Variants in ABCC5 observed in about 807,000 individuals in gnomAD.
ABCC5 encodes the protein ATP binding cassette subfamily C member 5.
A neutral mutation model predicts 160.9 loss-of-function variants in ABCC5; 61 were observed. That is an observed-to-expected ratio of 0.38 (90% CI 0.31 to 0.47). ABCC5 has a LOEUF of 0.47. Among genes scored for constraint, ABCC5 ranks in the 20% least tolerant of loss-of-function variants. The pLI is 0.99. For synonymous variants in ABCC5, 666 were observed against 700.6 expected (o/e 0.95, Z 0.78); for missense variants, 1,308 against 1,813.3 (o/e 0.72, Z 5.06).
At chr3:183,961,487 C>A in intron 16 of ABCC5, 24 bp downstream of exon 16, 1 of 1,612,152 alleles carries the variant, frequency 6.2e-7, no homozygotes, top group South Asian at 1.1e-5. Context: ...GAAGGGGACA[C>A]ACGCAAACAC....
intron 13 of ABCC5, 37 bp from the exon 14 acceptor site, chr3:183,965,294 G>A (rs1297490025): frequency 1.4e-5 from 22 of 1,613,952 alleles, no homozygotes; most frequent in South Asian, 3.3e-5. Context: ...GGGACACGGC[G>A]GGAGCAGAGC....
intron 14 of ABCC5, among the ~76,000 whole-genome samples, chr3:183,964,316 C>G (rs965218265): frequency 7.9e-5 from 12 of 152,236 alleles, no homozygotes; most frequent in Non-Finnish European, 1.2e-4. Flanking sequence ...TAGTGCCAAA[C>G]AGTGTCTGCA....
At chr3:183,977,447 T>C (rs1718316676) in intron 10 of ABCC5, 70 bp downstream of exon 10, 2 of 1,246,828 alleles carry the variant, frequency 1.6e-6, no homozygotes, top group South Asian at 2.6e-5. Flanking sequence ...GGGTGGCCCC[T>C]TGAACAGAGC....
chr3:184,005,023 T>C (rs1281996184), intron 2 of ABCC5, among the ~76,000 whole-genome samples: 1 of 152,188 alleles, frequency 6.6e-6, no homozygotes, highest in Middle Eastern at 3.2e-3. Flanking sequence ...GGTGGTTCCA[T>C]GCTCTTTTCA....
intron 2 of ABCC5, among the ~76,000 whole-genome samples, chr3:183,994,853 ATGTT>A (rs1560044487): frequency 3.3e-5 from 4 of 122,844 alleles, no homozygotes; most frequent in Non-Finnish European, 3.5e-5. Flanking sequence ...CCCATTTTCT[ATGTT>A]TTTTTTTTTT....
chr3:183,952,313 A>G (rs1715448394), intron 18 of ABCC5, among the ~76,000 whole-genome samples: 1 of 151,918 alleles, frequency 6.6e-6, no homozygotes, highest in African/African-American at 2.4e-5. Flanking sequence ...TGCCCAGCTA[A>G]TTTTTGTATT....
At chr3:183,942,380 C>A in intron 25 of ABCC5, 3 of 479,678 alleles carry the variant, frequency 6.3e-6, no homozygotes, top group South Asian at 4.6e-5. Context: ...GTGTCAATGA[C>A]CTCATTTTTG....
chr3:183,999,133 T>A (rs1387091734), intron 2 of ABCC5, among the ~76,000 whole-genome samples: 1 of 150,964 alleles, frequency 6.6e-6, no homozygotes, highest in Non-Finnish European at 1.5e-5. Context: ...AATAACAGCA[T>A]CTTTATACTA....
intron 17 of ABCC5, among the ~76,000 whole-genome samples, chr3:183,953,995 A>G (rs1156353504): frequency 6.6e-6 from 1 of 152,242 alleles, no homozygotes; most frequent in Non-Finnish European, 1.5e-5. Flanking sequence ...TGATATTGCC[A>G]CACCAGCTGC....
At chr3:183,966,882 C>T (rs1717267211) in intron 12 of ABCC5, among the ~76,000 whole-genome samples, 1 of 152,192 alleles carries the variant, frequency 6.6e-6, no homozygotes, top group Admixed American at 6.5e-5. Flanking sequence ...CCCCTGCTCC[C>T]CCTCTGTTTC....
At position 183,981,832 on chromosome 3, in the gene ABCC5, C is replaced by G. The variant is rs761217800; in HGVS notation, c.1042G>C (p.Val348Leu). ...TGGACACGTTCATCCGTGGCGGCCACGCATTTTCTCCTGAAATATGCTGTG... is the reference window on the plus strand; with the variant it reads ...TGGACACGTTCATCCGTGGCGGCCAGGCATTTTCTCCTGAAATATGCTGTG... ...RLTAYFRRKC[V>L]AATDERVQKM... The change falls in exon 8 of 30, where the codon GTG becomes CTG. Residue 348 changes from valine (V) to leucine (L), a missense_variant. Val to Leu is a conservative substitution (Grantham distance 32). Transcript: ENST00000334444. 5.0e-6 allele frequency: 8 copies of G among 1,610,762 alleles called. No homozygotes were observed. Among genetic ancestry groups the G allele is most frequent in the Non-Finnish European group, 6.8e-6 (8 of 1,179,120 alleles).
chr3:183,926,634 A>C (rs1358030618), intron 28 of ABCC5, among the ~76,000 whole-genome samples: 1 of 152,138 alleles, frequency 6.6e-6, no homozygotes, highest in African/African-American at 2.4e-5. Flanking sequence ...ATGTACAATT[A>C]ATTCTTTTTT....
At chr3:183,962,613 C>T (rs1437527553) in intron 15 of ABCC5, among the ~76,000 whole-genome samples, 1 of 150,964 alleles carries the variant, frequency 6.6e-6, no homozygotes, top group Non-Finnish European at 1.5e-5. Flanking sequence ...CTCACTTTAA[C>T]CTCCACCTCC....
intron 26 of ABCC5, among the ~76,000 whole-genome samples, chr3:183,937,122 A>T (rs1186788461): frequency 1.3e-5 from 2 of 152,182 alleles, no homozygotes; most frequent in Non-Finnish European, 2.9e-5. Flanking sequence ...CGCGCCTGTA[A>T]TCCCAGCACT....
chr3:183,959,924 A>G, intron 16 of ABCC5, 89 bp from the exon 17 acceptor site: 1 of 849,244 alleles, frequency 1.2e-6, no homozygotes, highest in South Asian at 1.8e-5. Flanking sequence ...CATCAATTAA[A>G]CTGCTATTAC....
Position 183,943,352 on chromosome 3 carries a change from A to G in ABCC5, c.3505-436T>C, listed in dbSNP as rs181409296. Among the ~76,000 whole-genome samples the G allele has an allele frequency of 2.6e-3, 402 of 152,346 alleles. 3 individuals are homozygous for G. The highest frequency in any genetic ancestry group is 1.4e-3 in the Non-Finnish European group (95 of 68,028). ...GGAAGAAAACTAATATTTACTGAAC[A>G]TCTGATTGGATCCTGGCATTCTGGC... On this transcript the variant is annotated intron_variant, in intron 24 of 29. Coordinates refer to ENST00000334444, the MANE Select transcript of ABCC5 (RefSeq NM_005688.4).
chr3:183,965,570 A>C (rs1577548950), intron 12 of ABCC5, 69 bp from the exon 13 acceptor site: 1 of 1,586,740 alleles, frequency 6.3e-7, no homozygotes, highest in Admixed American at 1.7e-5. Context: ...CGGAACCCCC[A>C]CCTTCCACAA....
intron 24 of ABCC5, among the ~76,000 whole-genome samples, chr3:183,945,503 T>C (rs150997803): frequency 1.6e-4 from 25 of 152,268 alleles, no homozygotes; most frequent in Non-Finnish European, 2.5e-4. Flanking sequence ...CTGATGGCCA[T>C]CCCTGATTAA....
intron 2 of ABCC5, among the ~76,000 whole-genome samples, chr3:184,004,143 T>G (rs1271403030): frequency 6.6e-6 from 1 of 151,738 alleles, no homozygotes; most frequent in Non-Finnish European, 1.5e-5. Flanking sequence ...AAACCACTGA[T>G]TTAGAGAGTT....
Sources: gnomAD v4.1 joint callset for allele counts (sites outside exome capture counted in the v4.1 genomes callset) on GRCh38, gnomAD v4.1.1 for gene constraint, MANE v1.5 for transcripts, NCBI Gene and HGNC (gene_info 2026-07-23, HGNC 2026-07-21) for gene names.